The following SLC9A9 variants were observed in gnomAD, a reference collection of about 807,000 sequenced individuals.
SLC9A9 encodes solute carrier family 9 member A9, also known as sodium/hydrogen exchanger 9.
A neutral mutation model predicts 77.8 loss-of-function variants in SLC9A9; 62 were observed. That is an observed-to-expected ratio of 0.80 (90% CI 0.65 to 0.98). The LOEUF (loss-of-function observed/expected upper bound fraction) is 0.98, where lower values mean the gene tolerates loss of function less well. Ranked by LOEUF, SLC9A9 falls within the 50% of genes least tolerant of loss-of-function variation. SLC9A9 has a pLI of 0.00. For missense variants in SLC9A9, 775 were observed against 774.9 expected (o/e 1.00, Z 0.00); for synonymous variants, 320 against 283.5 (o/e 1.13, Z -1.29).
In SLC9A9 at chr3:143,665,265, T is replaced by A. The variant is rs185073278; in HGVS notation, c.650-12905A>T. Among the ~76,000 whole-genome samples the A allele has an allele frequency of 5.1e-3, 781 of 152,280 alleles. 5 individuals are homozygous for A. Among genetic ancestry groups the A allele is most frequent in the Non-Finnish European group, 6.8e-3 (463 of 68,024 alleles). On this transcript the variant is annotated intron_variant, in intron 5 of 15. Transcript: ENST00000316549. ...GTAAATAAAGAAATGAAGGCAGAAA[T>A]AAAGATGTTCTTTGAAATGAATGAG...
At chr3:143,794,292 C>T (rs936842268) in intron 4 of SLC9A9, among the ~76,000 whole-genome samples, 3 of 151,468 alleles carry the variant, frequency 2.0e-5, no homozygotes, top group Non-Finnish European at 4.4e-5. Context: ...TTGAAGACAT[C>T]TGCATCATCA....
intron 9 of SLC9A9, among the ~76,000 whole-genome samples, chr3:143,551,056 C>A (rs1387001127): frequency 6.6e-6 from 1 of 152,128 alleles, no homozygotes; most frequent in Non-Finnish European, 1.5e-5. Flanking sequence ...CTCAATATGA[C>A]CCGTGTCCTT....
At chr3:143,297,374 C>T (rs1369470320) in intron 14 of SLC9A9, among the ~76,000 whole-genome samples, 2 of 152,142 alleles carry the variant, frequency 1.3e-5, no homozygotes, top group Non-Finnish European at 2.9e-5. Context: ...AGCAGAAGCT[C>T]TCTATTTTGG....
chr3:143,847,274 C>T (rs1316728732), intron 1 of SLC9A9, among the ~76,000 whole-genome samples: 2 of 152,158 alleles, frequency 1.3e-5, no homozygotes, highest in African/African-American at 4.8e-5. Flanking sequence ...AACTTCCTAT[C>T]CATTATCAGG....
At chr3:143,655,766 T>A (rs996223775) in intron 5 of SLC9A9, 1 of 499,176 alleles carries the variant, frequency 2.0e-6, no homozygotes. Context: ...AACTGAGAAA[T>A]GCCACTGAAT....
At chr3:143,349,045 G>A (rs1407159798) in intron 14 of SLC9A9, among the ~76,000 whole-genome samples, 2 of 152,196 alleles carry the variant, frequency 1.3e-5, no homozygotes, top group African/African-American at 2.4e-5. Context: ...GAAGCCAGCT[G>A]CCCCTGGTCT....
intron 2 of SLC9A9, among the ~76,000 whole-genome samples, chr3:143,826,259 G>T (rs7651282): frequency 1.3e-5 from 2 of 148,786 alleles, no homozygotes; most frequent in African/African-American, 5.0e-5. Context: ...ACTCTGTCTT[G>T]AAAAAAAAAA....
chr3:143,613,200 G>T (rs2038049023), intron 6 of SLC9A9, among the ~76,000 whole-genome samples: 1 of 152,218 alleles, frequency 6.6e-6, no homozygotes, highest in African/African-American at 2.4e-5. Flanking sequence ...AACTCAAAGA[G>T]GTCTGAGGTG....
intron 11 of SLC9A9, among the ~76,000 whole-genome samples, chr3:143,482,461 G>T (rs777288725): frequency 6.6e-6 from 1 of 152,218 alleles, no homozygotes; most frequent in Non-Finnish European, 1.5e-5. Context: ...CTTCTCAAAA[G>T]TGCAGCAGAA....
chr3:143,331,857 T>C (rs1183593463), intron 14 of SLC9A9, among the ~76,000 whole-genome samples: 1 of 152,196 alleles, frequency 6.6e-6, no homozygotes, highest in African/African-American at 2.4e-5. Flanking sequence ...AAAAATGCTC[T>C]GCAGCTTAGA....
intron 9 of SLC9A9, among the ~76,000 whole-genome samples, chr3:143,527,345 C>A (rs964844815): frequency 5.3e-5 from 8 of 152,126 alleles, no homozygotes; most frequent in Admixed American, 5.2e-4. Flanking sequence ...TTTATTGACA[C>A]GTGACAAAAC....
At chr3:143,594,527 CATT>C (rs1477666973) in intron 6 of SLC9A9, among the ~76,000 whole-genome samples, 2 of 152,172 alleles carry the variant, frequency 1.3e-5, no homozygotes, top group East Asian at 3.8e-4. Context: ...GTAGGACTGA[CATT>C]AGAATCCTGG....
At chr3:143,590,763 T>G (rs540737591) in intron 6 of SLC9A9, among the ~76,000 whole-genome samples, 14 of 152,314 alleles carry the variant, frequency 9.2e-5, no homozygotes, top group Non-Finnish European at 1.8e-4. Context: ...AATAAAGTTG[T>G]GTAGACTTGC....
At chr3:143,571,016 G>A (rs1443689459) in intron 8 of SLC9A9, among the ~76,000 whole-genome samples, 1 of 152,052 alleles carries the variant, frequency 6.6e-6, no homozygotes, top group Non-Finnish European at 1.5e-5. Flanking sequence ...TTTTCAAATA[G>A]AATTGTATGT....
At chr3:143,554,793 C>T (rs1188043836) in intron 8 of SLC9A9, among the ~76,000 whole-genome samples, 2 of 152,194 alleles carry the variant, frequency 1.3e-5, no homozygotes, top group African/African-American at 4.8e-5. Flanking sequence ...GGGGCCCTTG[C>T]ACTTCCTTCC....
chr3:143,711,612 C>T (rs1415194577), intron 4 of SLC9A9, among the ~76,000 whole-genome samples: 1 of 148,210 alleles, frequency 6.7e-6, no homozygotes, highest in Non-Finnish European at 1.5e-5. Flanking sequence ...GAAGAGGACT[C>T]AGCATCTTGC....
intron 9 of SLC9A9, among the ~76,000 whole-genome samples, chr3:143,531,091 T>C (rs2036503512): frequency 6.6e-6 from 1 of 152,248 alleles, no homozygotes; most frequent in Non-Finnish European, 1.5e-5. Context: ...ACTAATTTAA[T>C]CTTTACAACA....
intron 4 of SLC9A9, among the ~76,000 whole-genome samples, chr3:143,732,726 T>A (rs1394480555): frequency 6.6e-6 from 1 of 152,196 alleles, no homozygotes; most frequent in East Asian, 1.9e-4. Flanking sequence ...CCACACCTCC[T>A]GGGAATCCAA....
chr3:143,728,360 TG>T (rs375916766), intron 4 of SLC9A9, among the ~76,000 whole-genome samples: 107 of 152,000 alleles, frequency 7.0e-4, no homozygotes, highest in African/African-American at 2.5e-3. Context: ...GAGAAAGTAA[TG>T]TGAAGATCTA....
Sources: allele counts gnomAD v4.1 joint callset (sites outside exome capture counted in the v4.1 genomes callset), GRCh38; gene constraint gnomAD v4.1.1; transcripts MANE v1.5; gene names NCBI Gene and HGNC (gene_info 2026-07-23, HGNC 2026-07-21).